Variants in PPP3CA observed in about 807,000 individuals in gnomAD.
PPP3CA encodes the protein CAM-PRP catalytic subunit.
Under a neutral mutation model 66.5 loss-of-function variants are expected in PPP3CA, and 14 were observed. That is an observed-to-expected ratio of 0.21 (90% confidence interval 0.14 to 0.33). PPP3CA has a LOEUF of 0.33. Ranked by LOEUF, PPP3CA falls within the 10% of genes least tolerant of loss-of-function variation. The probability of loss-of-function intolerance (pLI) is 1.00; values close to 1 mark genes in which losing one functional copy is unlikely to be tolerated. For missense variants in PPP3CA, 317 were observed against 639.5 expected (o/e 0.50, Z 5.44); for synonymous variants, 232 against 226.2 (o/e 1.03, Z -0.23).
At chr4:101,202,396 A>T (rs1185773995) in intron 1 of PPP3CA, among the ~76,000 whole-genome samples, 1 of 152,202 alleles carries the variant, frequency 6.6e-6, no homozygotes, top group Non-Finnish European at 1.5e-5. Flanking sequence ...ACTGAATTTT[A>T]TTTGGGTTCT....
intron 8 of PPP3CA, among the ~76,000 whole-genome samples, chr4:101,077,468 C>G (rs1035867745): frequency 6.6e-6 from 1 of 152,170 alleles, no homozygotes; most frequent in Non-Finnish European, 1.5e-5. Flanking sequence ...AATTTTATTA[C>G]ACTGCTTTTA....
At chr4:101,246,673 C>T (rs573780432) in intron 1 of PPP3CA, among the ~76,000 whole-genome samples, 3 of 152,192 alleles carry the variant, frequency 2.0e-5, no homozygotes, top group African/African-American at 7.2e-5. Flanking sequence ...TCAGTATAGA[C>T]ATAGTTTTAC....
intron 1 of PPP3CA, among the ~76,000 whole-genome samples, chr4:101,229,140 C>T (rs150988281): frequency 0.01 from 1,550 of 151,594 alleles, 13 homozygotes; most frequent in Non-Finnish European, 0.016. Flanking sequence ...TACAAGAACA[C>T]AAAACATTTT....
chr4:101,032,421 G>T (rs2110205318), intron 11 of PPP3CA, 57 bp from the exon 12 acceptor site: 3 of 1,426,220 alleles, frequency 2.1e-6, no homozygotes, highest in Non-Finnish European at 2.9e-6. Flanking sequence ...GAAAAAGAAA[G>T]AAATGACTGA....
At chr4:101,037,979 C>G (rs1173897978) in intron 11 of PPP3CA, among the ~76,000 whole-genome samples, 2 of 152,204 alleles carry the variant, frequency 1.3e-5, no homozygotes, top group East Asian at 3.9e-4. Context: ...TGTTGCTCCC[C>G]AACTGAGGGA....
At chr4:101,141,334 C>A (rs1304383900) in intron 2 of PPP3CA, among the ~76,000 whole-genome samples, 6 of 152,124 alleles carry the variant, frequency 3.9e-5, no homozygotes, top group Non-Finnish European at 5.9e-5. Flanking sequence ...CACGCCACTG[C>A]ATGCCAACTT....
chr4:101,156,496 C>A (rs1256899923), intron 2 of PPP3CA, among the ~76,000 whole-genome samples: 1 of 152,140 alleles, frequency 6.6e-6, no homozygotes, highest in Non-Finnish European at 1.5e-5. Flanking sequence ...GCCTGACCAA[C>A]ATGGAGAAAC....
intron 2 of PPP3CA, among the ~76,000 whole-genome samples, chr4:101,119,034 T>C (rs756477568): frequency 4.3e-4 from 65 of 150,156 alleles, no homozygotes; most frequent in African/African-American, 1.5e-3. Flanking sequence ...TGGTATGTAC[T>C]AACAAAATGT....
At chr4:101,345,233 A>G (rs1729944015) in intron 1 of PPP3CA, among the ~76,000 whole-genome samples, 1 of 152,224 alleles carries the variant, frequency 6.6e-6, no homozygotes, top group East Asian at 1.9e-4. Context: ...TCTTTCTGAA[A>G]AAAGGGAACG....
intron 1 of PPP3CA, among the ~76,000 whole-genome samples, chr4:101,241,127 A>C (rs1243555282): frequency 6.6e-6 from 1 of 151,968 alleles, no homozygotes; most frequent in Admixed American, 6.6e-5. Context: ...TCAGCCTCCT[A>C]AAGTTCTGGG....
intron 1 of PPP3CA, among the ~76,000 whole-genome samples, chr4:101,219,135 TATTGTCA>T (rs1447976438): frequency 6.6e-6 from 1 of 152,032 alleles, no homozygotes; most frequent in Non-Finnish European, 1.5e-5. Context: ...ACTGGGGCTT[TATTGTCA>T]AAGTCTGATA....
At chr4:101,282,234 C>A (rs1319342672) in intron 1 of PPP3CA, among the ~76,000 whole-genome samples, 1 of 152,140 alleles carries the variant, frequency 6.6e-6, no homozygotes, top group African/African-American at 2.4e-5. Flanking sequence ...CCACTTCACA[C>A]CTACCTAGAG....
chr4:101,240,860 T>C (rs909211553), intron 1 of PPP3CA: 1 of 152,054 alleles, frequency 6.6e-6, no homozygotes, highest in African/African-American at 2.4e-5. Flanking sequence ...TCCACAGGAA[T>C]GTAAGCAAGA....
chr4:101,114,185 G>T (rs1578461011), intron 2 of PPP3CA, among the ~76,000 whole-genome samples: 1 of 151,996 alleles, frequency 6.6e-6, no homozygotes, highest in Non-Finnish European at 1.5e-5. Context: ...CATTCATCTG[G>T]CTGAATATTC....
At chr4:101,085,927 C>A (rs1337363180) in intron 6 of PPP3CA, among the ~76,000 whole-genome samples, 1 of 151,876 alleles carries the variant, frequency 6.6e-6, no homozygotes, top group East Asian at 1.9e-4. Flanking sequence ...CACCTAAACA[C>A]CCCAAAGAGA....
chr4:101,278,122 T>TAAAAAAAAAAA (rs3077992), intron 1 of PPP3CA, among the ~76,000 whole-genome samples: 35 of 112,148 alleles, frequency 3.1e-4, no homozygotes, highest in East Asian at 9.8e-4. Context: ...AAGCTATTAG[T>TAAAAAAAAAAA]AAAAAAAAAA....
At chr4:101,056,267 T>A (rs1403272211) in intron 10 of PPP3CA, among the ~76,000 whole-genome samples, 2 of 152,186 alleles carry the variant, frequency 1.3e-5, no homozygotes, top group Non-Finnish European at 2.9e-5. Context: ...CCTAGTAAAC[T>A]TAACATAAAG....
intron 13 of PPP3CA, among the ~76,000 whole-genome samples, chr4:101,028,153 C>T (rs745614480): frequency 6.6e-6 from 1 of 152,110 alleles, no homozygotes; most frequent in East Asian, 1.9e-4. Flanking sequence ...TTGTATCACA[C>T]CAAAGGACCA....
chr4:101,062,128 T>C (rs3804355), intron 9 of PPP3CA, among the ~76,000 whole-genome samples: 2,761 of 152,064 alleles, frequency 0.018, 229 homozygotes, highest in Admixed American at 0.14. Flanking sequence ...ACAACCCAAA[T>C]AAAGGATGTT....
Sources: allele counts gnomAD v4.1 joint callset (sites outside exome capture counted in the v4.1 genomes callset), GRCh38; gene constraint gnomAD v4.1.1; transcripts MANE v1.5; gene names NCBI Gene and HGNC (gene_info 2026-07-23, HGNC 2026-07-21).